TNRC6C: variants seen among roughly 807,000 people sequenced by gnomAD.
The protein encoded by TNRC6C is trinucleotide repeat containing adaptor 6C.
In TNRC6C, 20 loss-of-function variants were observed where a neutral mutation model predicts 153.7. The observed-to-expected ratio is 0.13, with a 90% CI of 0.09 to 0.19. TNRC6C has a LOEUF of 0.19. TNRC6C is among the 10% of genes least tolerant of loss of function. The probability of loss-of-function intolerance (pLI) is 1.00; values close to 1 mark genes in which losing one functional copy is unlikely to be tolerated. For synonymous variants in TNRC6C, 811 were observed against 841.4 expected (o/e 0.96, Z 0.63); for missense variants, 1,987 against 2,172.0 (o/e 0.91, Z 1.69).
chr17:78,062,066 C>G (rs1282981978), intron 3 of TNRC6C, among the ~76,000 whole-genome samples: 1 of 152,142 alleles, frequency 6.6e-6, no homozygotes. Flanking sequence ...GTTATTTTAG[C>G]TTACTAAAAC....
chr17:78,067,890 C>T (rs1452285455), exon 5 of TNRC6C: 1 of 1,613,002 alleles, frequency 6.2e-7, no homozygotes, highest in South Asian at 1.1e-5. Flanking sequence ...CCTGCAGCTC[C>T]TGGGGGAACG....
At chr17:78,027,947 G>A (rs1025998609) in intron 1 of TNRC6C, among the ~76,000 whole-genome samples, 15 of 149,920 alleles carry the variant, frequency 1.0e-4, no homozygotes, top group African/African-American at 3.7e-4. Flanking sequence ...CCAGGCTGGA[G>A]TGCAGTGGTG....
chr17:78,041,263 A>C (rs1375258170), intron 2 of TNRC6C: 2 of 152,228 alleles, frequency 1.3e-5, no homozygotes, highest in Non-Finnish European at 2.9e-5. Context: ...CTTGGCTGCA[A>C]TTCAGATTGG....
chr17:78,049,675 C>A lies in TNRC6C; in HGVS notation c.613C>A (p.Leu205Met). 1 of 1,611,082 alleles carries A rather than the reference C, an allele frequency of 6.2e-7. No individual in the cohort carries two copies. Among genetic ancestry groups the A allele is most frequent in the Middle Eastern group, 1.7e-4 (1 of 6,050 alleles). Reference sequence around the variant, plus strand: ...TATCAATGCAATGCAGACAAATGGACTGCCAAACTGGGGCATGGCTGTTGG... The same window carrying A: ...TATCAATGCAATGCAGACAAATGGAATGCCAAACTGGGGCATGGCTGTTGG... Residue 205 changes from leucine to methionine, a missense_variant, in exon 3 of 20, where the codon CTG becomes ATG. Leu to Met is a conservative substitution (Grantham distance 15). Around this residue, in one of 4 missense-constraint regions of TNRC6C, gnomAD observed 1,052 missense variants for 1,017.0 expected, o/e 1.03. Transcript: ENST00000301624. This position sits in a 1 kb window ranked among gnomAD's most constrained non-coding sequence, Gnocchi z 4.1.
rs1042356060 is a variant in TNRC6C, at chr17:78,091,286, A to G, written c.3803-154A>G. 1.1e-5 allele frequency: 9 copies of G among 828,930 alleles called. No homozygotes were observed. The South Asian group carries it at 2.2e-4, about 20-fold the overall frequency. 51.3% of individuals were successfully genotyped at this position (828,930 alleles called of 1,614,324 possible). On this transcript the variant is annotated intron_variant, in intron 13 of 19. Coordinates refer to ENST00000301624, the Ensembl canonical transcript of TNRC6C. ...GGTTGCAATGAGCCAAGATTGTGCC[A>G]TTGCACTCCAGCCTGGGCATCAAGA...
upstream of TNRC6C, among the ~76,000 whole-genome samples, chr17:77,958,356 C>T (rs563758178): frequency 6.6e-6 from 1 of 152,174 alleles, no homozygotes; most frequent in South Asian, 2.1e-4. Flanking sequence ...CGTAACCCCC[C>T]CGAGCAGTGC....
intron 9 of TNRC6C, among the ~76,000 whole-genome samples, chr17:78,078,103 G>A (rs2073116068): frequency 6.6e-6 from 1 of 152,224 alleles, no homozygotes; most frequent in African/African-American, 2.4e-5. Context: ...CATTGTCCCA[G>A]TGTTGTTACC....
intron 1 of TNRC6C, among the ~76,000 whole-genome samples, chr17:77,960,876 T>C (rs1598633498): frequency 1.3e-5 from 2 of 152,352 alleles, no homozygotes; most frequent in East Asian, 3.9e-4. Flanking sequence ...ATGTGAACAG[T>C]TGTAACTTTA....
At chr17:78,076,960 A>G (rs1448592609) in intron 8 of TNRC6C, among the ~76,000 whole-genome samples, 1 of 152,222 alleles carries the variant, frequency 6.6e-6, no homozygotes, top group African/African-American at 2.4e-5. Flanking sequence ...AGCAGCTAAT[A>G]TATGTGTTTG....
At chr17:78,093,832 G>A in intron 16 of TNRC6C, 69 bp downstream of exon 18, 2 of 1,584,590 alleles carry the variant, frequency 1.3e-6, no homozygotes, top group Non-Finnish European at 1.7e-6. Flanking sequence ...TGTCAGGGGT[G>A]ACAGGTTGGG....
chr17:78,019,452 T>G (rs528155071), intron 1 of TNRC6C, among the ~76,000 whole-genome samples: 1 of 152,220 alleles, frequency 6.6e-6, no homozygotes, highest in African/African-American at 2.4e-5. Flanking sequence ...GGCCCTGTTA[T>G]GACAACACTA....
intron 1 of TNRC6C, among the ~76,000 whole-genome samples, chr17:78,024,218 CA>C (rs1472844359): frequency 6.6e-6 from 1 of 152,164 alleles, no homozygotes; most frequent in African/African-American, 2.4e-5. Context: ...GTTTACCAGA[CA>C]AGTGTCTATG....
At chr17:78,005,376 G>A (rs2071478913) in intron 1 of TNRC6C, among the ~76,000 whole-genome samples, 1 of 152,118 alleles carries the variant, frequency 6.6e-6, no homozygotes, top group Admixed American at 6.5e-5. Flanking sequence ...AGTTGATTCA[G>A]TTTGAATAAG....
chr17:77,986,466 A>C (rs1223888824), intron 1 of TNRC6C, among the ~76,000 whole-genome samples: 1 of 151,936 alleles, frequency 6.6e-6, no homozygotes, highest in Non-Finnish European at 1.5e-5. Context: ...AAAGAGGGAA[A>C]AAATGGAGAG....
intron 13 of TNRC6C, among the ~76,000 whole-genome samples, chr17:78,088,232 C>T (rs566487759): frequency 2.0e-5 from 3 of 152,082 alleles, no homozygotes. Context: ...TAGATGATCT[C>T]GTTCCTTAAT....
At chr17:78,096,052 A>G (rs1223372952) in intron 16 of TNRC6C, among the ~76,000 whole-genome samples, 5 of 152,162 alleles carry the variant, frequency 3.3e-5, no homozygotes, top group African/African-American at 4.8e-5. Context: ...CTTCGTCTCA[A>G]AAAAAGAAAA....
At chr17:78,095,880 C>CA (rs1490263865) in intron 16 of TNRC6C, among the ~76,000 whole-genome samples, 4 of 152,108 alleles carry the variant, frequency 2.6e-5, no homozygotes, top group Non-Finnish European at 5.9e-5. Context: ...CCTGGCTCTA[C>CA]AAAAAATTAA....
rs1415325396 is a variant in TNRC6C, at chr17:78,024,081, C to CA, written c.-545-7427dup. Among the ~76,000 whole-genome samples, 6 of 150,640 alleles carry CA rather than the reference C, an allele frequency of 4.0e-5. No homozygotes were observed. In the East Asian group the frequency reaches 5.8e-4, roughly 15 times the overall value. On this transcript the variant is annotated intron_variant, in intron 1 of 19. Transcript: ENST00000301624. ...TGCACTCCAGCCTGAGCATCAAGAGCAAAAAAAACACCGTCTCAAAAAAAA... is the reference window on the plus strand; with the variant it reads ...TGCACTCCAGCCTGAGCATCAAGAGCAAAAAAAAACACCGTCTCAAAAAAAA...
At position 78,102,552 on chromosome 17, in the gene TNRC6C, A is replaced by C; in HGVS notation, c.4572+8A>C. 1 of 1,596,234 alleles carries C rather than the reference A, an allele frequency of 6.3e-7. No homozygotes were observed. The highest frequency in any genetic ancestry group is 8.5e-7 in the Non-Finnish European group (1 of 1,171,328). On this transcript the variant is annotated splice_region_variant and intron_variant, in intron 18 of 19. Coordinates refer to ENST00000301624, the Ensembl canonical transcript of TNRC6C. The stretch of plus-strand genomic sequence containing the variant: ...CGAAACCTCACTCCCCAGGTGCAAT[A>C]TGGTGCCCCTGCATCACTGAGCATG...
Sources: allele counts gnomAD v4.1 joint callset (sites outside exome capture counted in the v4.1 genomes callset), GRCh38; gene constraint gnomAD v4.1.1; regional missense constraint gnomAD v4.1.1; non-coding constraint Gnocchi (gnomAD v3.1); transcripts MANE v1.5; gene names NCBI Gene and HGNC (gene_info 2026-07-23, HGNC 2026-07-21).